Variants in RHBDD1 observed in about 807,000 individuals in gnomAD.
The protein encoded by RHBDD1 is rhomboid-related protein 4.
In RHBDD1, 38 loss-of-function variants were observed where a neutral mutation model predicts 36.3. That is an observed-to-expected ratio of 1.05 (90% CI 0.81 to 1.37). The LOEUF is 1.37. RHBDD1 is among the 40% of genes most tolerant of loss of function. The pLI is 0.00. For missense variants in RHBDD1, 393 were observed against 377.6 expected, an observed-to-expected ratio of 1.04 and a Z score of -0.34; for synonymous variants, 151 against 136.5, an observed-to-expected ratio of 1.11 and a Z score of -0.74.
chr2:226,916,859 G>C (rs1948941439), intron 8 of RHBDD1, among the ~76,000 whole-genome samples: 1 of 152,178 alleles, frequency 6.6e-6, no homozygotes, highest in Admixed American at 6.5e-5. Context: ...CAGGAAGTTA[G>C]TACTAGTAGT....
intron 8 of RHBDD1, among the ~76,000 whole-genome samples, chr2:226,984,877 G>C (rs1052665437): frequency 6.9e-6 from 1 of 145,158 alleles, no homozygotes; most frequent in Admixed American, 6.9e-5. Context: ...ATGAGAGCTA[G>C]ATGGGCCTTT....
chr2:226,880,560 G>A (rs1449965239), intron 5 of RHBDD1, among the ~76,000 whole-genome samples: 1 of 152,148 alleles, frequency 6.6e-6, no homozygotes, highest in Admixed American at 6.5e-5. Context: ...TTGAGGGAAC[G>A]GAGGTGTATT....
rs1473610166 is a variant in RHBDD1, at chr2:226,867,533, C to CGTT, written c.566+215_566+216insGTT. On this transcript the variant is annotated intron_variant, in intron 5 of 8. Transcript: ENST00000392062. ...TATAATTTTGGGTCACTTGTCTTAACTGAGTTGCAGATTCCTCATTTTTTT... is the reference window on the plus strand; with the variant it reads ...TATAATTTTGGGTCACTTGTCTTAACGTTTGAGTTGCAGATTCCTCATTTTTTT... The CGTT allele has an allele frequency of 3.1e-6, 3 of 972,188 alleles. No homozygotes were observed. The Admixed American group carries it at 1.8e-4, about 60-fold the overall frequency. 60.2% of individuals were successfully genotyped at this position (972,188 alleles called of 1,614,324 possible).
intron 3 of RHBDD1, among the ~76,000 whole-genome samples, 152 bp from the exon 4 acceptor site, chr2:226,864,452 C>A (rs1010788974): frequency 3.3e-5 from 5 of 152,126 alleles, no homozygotes; most frequent in Non-Finnish European, 5.9e-5. Context: ...CAGTCAGCAT[C>A]CTCGATATTA....
At chr2:226,986,453 T>C (rs1435062852) in intron 8 of RHBDD1, among the ~76,000 whole-genome samples, 1 of 152,118 alleles carries the variant, frequency 6.6e-6, no homozygotes, top group African/African-American at 2.4e-5. Flanking sequence ...TTTAAAATTA[T>C]TCCAAAATAA....
chr2:226,835,317 T>C (rs1940862170), upstream of RHBDD1, among the ~76,000 whole-genome samples: 1 of 152,230 alleles, frequency 6.6e-6, no homozygotes, highest in Non-Finnish European at 1.5e-5. Flanking sequence ...TAGCAAACAA[T>C]TAAAATGGTA....
chr2:226,841,616 C>T (rs1479173882), intron 3 of RHBDD1, among the ~76,000 whole-genome samples: 1 of 152,110 alleles, frequency 6.6e-6, no homozygotes, highest in Non-Finnish European at 1.5e-5. Context: ...TATCCATGTC[C>T]CTGCAAAGGA....
intron 8 of RHBDD1, among the ~76,000 whole-genome samples, chr2:226,914,826 T>A (rs942739403): frequency 8.5e-5 from 13 of 152,138 alleles, no homozygotes; most frequent in African/African-American, 3.1e-4. Flanking sequence ...GCCTAGAAAT[T>A]TGTGTTTTGA....
chr2:226,916,041 G>T (rs1156876351), intron 8 of RHBDD1, among the ~76,000 whole-genome samples: 4 of 152,168 alleles, frequency 2.6e-5, no homozygotes, highest in Non-Finnish European at 5.9e-5. Flanking sequence ...TCATTCCTCA[G>T]CCAGCAGGCT....
chr2:226,854,974 T>C (rs756318847), intron 3 of RHBDD1, among the ~76,000 whole-genome samples: 1 of 152,240 alleles, frequency 6.6e-6, no homozygotes, highest in Non-Finnish European at 1.5e-5. Flanking sequence ...ATTAATGGCT[T>C]ATCTGTCTAG....
At position 226,908,197 on chromosome 2, in the gene RHBDD1, C is replaced by A. The variant is rs1948206967; in HGVS notation, c.656-625C>A. 3 of 152,158 alleles carry A rather than the reference C, an allele frequency of 2.0e-5. No individual in the cohort carries two copies. In the South Asian group the frequency reaches 6.2e-4, roughly 32 times the overall value. 9.4% of individuals were successfully genotyped at this position (152,158 alleles called of 1,614,324 possible). ...GTGCAATTTGCAAATAGCCTGCGAACTCGGCCTTTTTTCTGTGAGCTGAGA... is the reference window on the plus strand; with the variant it reads ...GTGCAATTTGCAAATAGCCTGCGAAATCGGCCTTTTTTCTGTGAGCTGAGA... On this transcript the variant is annotated intron_variant, in intron 6 of 8. Transcript: ENST00000392062.
chr2:226,888,728 G>T (rs1946444208), intron 5 of RHBDD1, among the ~76,000 whole-genome samples: 1 of 152,050 alleles, frequency 6.6e-6, no homozygotes, highest in Admixed American at 6.5e-5. Context: ...AAGAACTCTG[G>T]TTTTTCTAAA....
the RHBDD1 span, among the ~76,000 whole-genome samples, chr2:226,829,732 GT>G: frequency 5.9e-5 from 9 of 152,212 alleles, no homozygotes; most frequent in African/African-American, 2.2e-4. Flanking sequence ...AATTTTAGTA[GT>G]TTTATCTGTG....
chr2:226,841,806 A>G (rs999985376), intron 3 of RHBDD1, among the ~76,000 whole-genome samples: 2 of 152,206 alleles, frequency 1.3e-5, no homozygotes, highest in African/African-American at 4.8e-5. Flanking sequence ...CTTTGGGTAT[A>G]TACCCAGTAA....
intron 7 of RHBDD1, among the ~76,000 whole-genome samples, chr2:226,913,815 A>C (rs895067983): frequency 6.6e-6 from 1 of 152,222 alleles, no homozygotes; most frequent in Non-Finnish European, 1.5e-5. Context: ...CAAGACAATA[A>C]GGCTTTATTA....
chr2:226,910,661 A>G (rs374531964), intron 7 of RHBDD1, among the ~76,000 whole-genome samples: 5 of 151,890 alleles, frequency 3.3e-5, no homozygotes, highest in African/African-American at 9.7e-5. Context: ...GAGCCTAAGT[A>G]TATAACTAAA....
chr2:226,980,938 C>CGTA (rs1296416569), intron 8 of RHBDD1, among the ~76,000 whole-genome samples: 1 of 152,080 alleles, frequency 6.6e-6, no homozygotes, highest in Non-Finnish European at 1.5e-5. Context: ...AATATCTCTC[C>CGTA]GTAGCAGAGA....
upstream of RHBDD1, among the ~76,000 whole-genome samples, chr2:226,835,130 C>CA (rs781610856): frequency 9.9e-5 from 15 of 151,822 alleles, no homozygotes; most frequent in Non-Finnish European, 2.2e-4. Flanking sequence ...AGGCTGGTCT[C>CA]AAACTCCTGA....
intron 8 of RHBDD1, among the ~76,000 whole-genome samples, chr2:226,932,686 G>C (rs1004957908): frequency 2.6e-5 from 4 of 151,956 alleles, no homozygotes. Flanking sequence ...GGTGGTGAGA[G>C]GCAAGTTATG....
Sources: gnomAD v4.1 joint callset for allele counts (sites outside exome capture counted in the v4.1 genomes callset) on GRCh38, gnomAD v4.1.1 for gene constraint, MANE v1.5 for transcripts, NCBI Gene and HGNC (gene_info 2026-07-23, HGNC 2026-07-21) for gene names.